The following RNLS variants were observed in gnomAD, a reference collection of about 807,000 sequenced individuals.
RNLS encodes renalase, FAD dependent amine oxidase, also known as renalase.
Under a neutral mutation model 39.8 loss-of-function variants are expected in RNLS, and 39 were observed. The observed-to-expected ratio is 0.98, with a 90% confidence interval of 0.76 to 1.28. The LOEUF (loss-of-function observed/expected upper bound fraction) is 1.28. RNLS is among the 50% of genes most tolerant of loss of function. RNLS has a pLI of 0.00. For synonymous variants in RNLS, 147 were observed against 150.7 expected, an observed-to-expected ratio of 0.98 and a Z score of 0.18; for missense variants, 410 against 413.3, an observed-to-expected ratio of 0.99 and a Z score of 0.07.
At chr10:88,559,296 T>C (rs929021934) in intron 4 of RNLS, among the ~76,000 whole-genome samples, 2 of 152,176 alleles carry the variant, frequency 1.3e-5, no homozygotes, top group African/African-American at 4.8e-5. Flanking sequence ...ACAACATTTC[T>C]CAAAGTCTTA....
chr10:88,340,618 T>C (rs941116824), intron 5 of RNLS, among the ~76,000 whole-genome samples: 2 of 152,108 alleles, frequency 1.3e-5, no homozygotes, highest in South Asian at 2.1e-4. Flanking sequence ...AAACATTCCA[T>C]TGCATAAACT....
chr10:88,262,720 C>T, the RNLS span, among the ~76,000 whole-genome samples: 14 of 152,180 alleles, frequency 9.2e-5, no homozygotes, highest in Admixed American at 1.3e-4. Context: ...CACAGAATCA[C>T]ACATTTTCAA....
chr10:88,487,814 G>T (rs1190556460), intron 4 of RNLS, among the ~76,000 whole-genome samples: 1 of 152,054 alleles, frequency 6.6e-6, no homozygotes, highest in East Asian at 1.9e-4. Flanking sequence ...TCGCAAATGG[G>T]AAATAATCCA....
chr10:88,455,534 G>A (rs771514181), intron 4 of RNLS, among the ~76,000 whole-genome samples: 91 of 152,114 alleles, frequency 6.0e-4, no homozygotes, highest in Non-Finnish European at 1.0e-3. Context: ...AGCCTCCCGA[G>A]TAGCTGGGAC....
chr10:88,573,420 T>C (rs1420065273), intron 3 of RNLS, among the ~76,000 whole-genome samples: 1 of 152,234 alleles, frequency 6.6e-6, no homozygotes, highest in Non-Finnish European at 1.5e-5. Context: ...AGAAATAGCA[T>C]GCCATGATTT....
intron 4 of RNLS, among the ~76,000 whole-genome samples, chr10:88,532,351 T>C (rs1015830459): frequency 6.6e-6 from 1 of 152,024 alleles, no homozygotes; most frequent in Non-Finnish European, 1.5e-5. Context: ...ATATCTAAAA[T>C]TGAGCCTGAT....
intron 4 of RNLS, among the ~76,000 whole-genome samples, chr10:88,435,392 C>T (rs1935581): frequency 0.53 from 79,577 of 151,264 alleles, 23,499 homozygotes; most frequent in African/African-American, 0.79. Context: ...AAGAAGATTT[C>T]CAAAAGCTAA....
intron 6 of RNLS, among the ~76,000 whole-genome samples, chr10:88,288,217 G>A (rs1843415196): frequency 6.6e-6 from 1 of 152,106 alleles, no homozygotes; most frequent in South Asian, 2.1e-4. Context: ...AACCCTATGA[G>A]GTGGTTACTA....
chr10:88,365,516 A>AACACACACACAC (rs61386966), intron 4 of RNLS, among the ~76,000 whole-genome samples: 1 of 145,818 alleles, frequency 6.9e-6, no homozygotes, highest in South Asian at 2.2e-4. Context: ...AGGATTATAT[A>AACACACACACAC]ACACACACAC....
intron 4 of RNLS, among the ~76,000 whole-genome samples, chr10:88,467,684 T>G (rs2133963310): frequency 6.6e-6 from 1 of 152,182 alleles, no homozygotes; most frequent in African/African-American, 2.4e-5. Flanking sequence ...GTCCCAACAC[T>G]AGTGATTCAG....
At chr10:88,212,778 T>C in the RNLS span, among the ~76,000 whole-genome samples, 1 of 152,234 alleles carries the variant, frequency 6.6e-6, no homozygotes, top group Admixed American at 6.5e-5. Flanking sequence ...GTGGAATGAC[T>C]GTCGGTTTCC....
intron 4 of RNLS, among the ~76,000 whole-genome samples, chr10:88,466,035 G>A (rs531272275): frequency 2.0e-5 from 3 of 152,124 alleles, no homozygotes; most frequent in East Asian, 1.9e-4. Context: ...TCAGGCATGA[G>A]GTAAAGGTGA....
chr10:88,551,492 T>C (rs1294742113), intron 4 of RNLS, among the ~76,000 whole-genome samples: 1 of 152,210 alleles, frequency 6.6e-6, no homozygotes, highest in East Asian at 1.9e-4. Flanking sequence ...TTCTGTATTT[T>C]TAACTTGTTA....
intron 4 of RNLS, among the ~76,000 whole-genome samples, chr10:88,485,642 C>CAA (rs11366047): frequency 1.8e-4 from 19 of 104,840 alleles, no homozygotes; most frequent in African/African-American, 6.1e-4. Flanking sequence ...AATGAAAAAC[C>CAA]AAAAAAAAAA....
chr10:88,211,732 G>T, the RNLS span, among the ~76,000 whole-genome samples: 1 of 152,184 alleles, frequency 6.6e-6, no homozygotes, highest in African/African-American at 2.4e-5. Flanking sequence ...AAGAAAACAG[G>T]GGCCAGATCC....
intron 4 of RNLS, among the ~76,000 whole-genome samples, chr10:88,439,160 A>C (rs893119524): frequency 6.6e-6 from 1 of 152,034 alleles, no homozygotes; most frequent in African/African-American, 2.4e-5. Context: ...ACAACACTAA[A>C]CTCAAGACTC....
At chr10:88,460,384 G>T (rs79131453) in intron 4 of RNLS, among the ~76,000 whole-genome samples, 409 of 152,192 alleles carry the variant, frequency 2.7e-3, no homozygotes, top group Non-Finnish European at 4.0e-3. Context: ...TTTTCGCATA[G>T]CTGTCTCCTA....
the RNLS span, among the ~76,000 whole-genome samples, chr10:88,209,644 C>A: frequency 6.6e-6 from 1 of 152,152 alleles, no homozygotes; most frequent in Non-Finnish European, 1.5e-5. Context: ...TCCTAAGAAA[C>A]ATACACAGAA....
At chr10:88,443,683 G>A (rs1466078946) in intron 4 of RNLS, among the ~76,000 whole-genome samples, 1 of 152,262 alleles carries the variant, frequency 6.6e-6, no homozygotes, top group African/African-American at 2.4e-5. Context: ...TGCATGGCTT[G>A]GAGGGTCCCA....
Sources: allele counts gnomAD v4.1 joint callset (sites outside exome capture counted in the v4.1 genomes callset), GRCh38; gene constraint gnomAD v4.1.1; transcripts MANE v1.5; gene names NCBI Gene and HGNC (gene_info 2026-07-23, HGNC 2026-07-21).